Variants in MYOCOS observed in about 807,000 individuals in gnomAD.
MYOCOS encodes myocilin opposite strand protein.
chr1:171,608,230 G>A (rs1008307061), intron 1 of MYOCOS, among the ~76,000 whole-genome samples: 1 of 152,130 alleles, frequency 6.6e-6, no homozygotes, highest in African/African-American at 2.4e-5. Flanking sequence ...GATGTGCACA[G>A]AAAGTTTATT....
chr1:171,607,838 A>G (rs1652279524), intron 1 of MYOCOS, among the ~76,000 whole-genome samples: 1 of 152,216 alleles, frequency 6.6e-6, no homozygotes, highest in Non-Finnish European at 1.5e-5. Context: ...TCACAAGTCT[A>G]TTCTCATGCT....
intron 1 of MYOCOS, chr1:171,601,204 AGT>A (rs1652135130): frequency 6.6e-6 from 1 of 152,308 alleles, no homozygotes; most frequent in Non-Finnish European, 1.5e-5. Flanking sequence ...TCTGAAATTT[AGT>A]AAGACTAGTC....
At chr1:171,621,490 C>T (rs1652573413), upstream of MYOCOS, among the ~76,000 whole-genome samples, 1 of 151,692 alleles carries the variant, frequency 6.6e-6, no homozygotes, top group East Asian at 2.0e-4. Flanking sequence ...ATTCTCCTGC[C>T]TCAGCCTCCT....
At chr1:171,621,802 C>T (rs1652582135), upstream of MYOCOS, among the ~76,000 whole-genome samples, 1 of 152,056 alleles carries the variant, frequency 6.6e-6, no homozygotes, top group African/African-American at 2.4e-5. Flanking sequence ...CACCACTGCA[C>T]TTCAGCCTGG....
chr1:171,612,671 CA>C (rs1032830225), intron 1 of MYOCOS, among the ~76,000 whole-genome samples: 4 of 150,438 alleles, frequency 2.7e-5, no homozygotes, highest in Non-Finnish European at 4.4e-5. Flanking sequence ...ACTAAAAATA[CA>C]AAAAAAAATT....
chr1:171,612,986 G>A (rs1393734045), intron 1 of MYOCOS, among the ~76,000 whole-genome samples: 2 of 152,220 alleles, frequency 1.3e-5, no homozygotes, highest in African/African-American at 4.8e-5. Flanking sequence ...AGCTGGGCCA[G>A]AACTCACTCT....
chr1:171,600,981 A>G (rs942998306), exon 1 of MYOCOS: 2 of 152,246 alleles, frequency 1.3e-5, no homozygotes, highest in Non-Finnish European at 2.9e-5. Flanking sequence ...TTAAGGGGCT[A>G]CCCGAGGCAG....
chr1:171,617,412 T>A (rs965596128), upstream of MYOCOS, among the ~76,000 whole-genome samples: 7 of 152,048 alleles, frequency 4.6e-5, no homozygotes, highest in African/African-American at 1.7e-4. Flanking sequence ...TCTGCTGTTA[T>A]GAGTATAGGA....
At chr1:171,626,274 G>A (rs1292758769) in intron 2 of MYOCOS, among the ~76,000 whole-genome samples, 180 bp from the exon 3 acceptor site, 1 of 152,050 alleles carries the variant, frequency 6.6e-6, no homozygotes, top group Non-Finnish European at 1.5e-5. Flanking sequence ...TGGAAAGGGG[G>A]TCTCCCTATG....
At chr1:171,604,905 C>G (rs1169604890) in intron 1 of MYOCOS, among the ~76,000 whole-genome samples, 2 of 152,146 alleles carry the variant, frequency 1.3e-5, no homozygotes, top group Non-Finnish European at 2.9e-5. Context: ...TCACAAACCC[C>G]TCAGACCCAA....
chr1:171,621,714 C>T (rs917000656), upstream of MYOCOS, among the ~76,000 whole-genome samples: 1 of 151,986 alleles, frequency 6.6e-6, no homozygotes, highest in African/African-American at 2.4e-5. Flanking sequence ...AATAGACTGC[C>T]GCCTTGAATT....
At chr1:171,603,285 G>A (rs2102931216) in intron 1 of MYOCOS, among the ~76,000 whole-genome samples, 1 of 152,322 alleles carries the variant, frequency 6.6e-6, no homozygotes, top group Non-Finnish European at 1.5e-5. Context: ...GAGCAAATGT[G>A]TGGTGGTATT....
chr1:171,614,617 G>C (rs1435678298), intron 1 of MYOCOS, among the ~76,000 whole-genome samples: 3 of 152,200 alleles, frequency 2.0e-5, no homozygotes, highest in Non-Finnish European at 4.4e-5. Context: ...TGCCTGGAGA[G>C]GCACTCAGCT....
At chr1:171,617,351 G>A (rs1472875545), upstream of MYOCOS, among the ~76,000 whole-genome samples, 1 of 152,106 alleles carries the variant, frequency 6.6e-6, no homozygotes, top group African/African-American at 2.4e-5. Flanking sequence ...GCAATTAACA[G>A]GGAAATGAGT....
chr1:171,608,407 A>ATTT (rs1652293515), intron 1 of MYOCOS, among the ~76,000 whole-genome samples: 4 of 67,898 alleles, frequency 5.9e-5, no homozygotes, highest in African/African-American at 8.1e-5. Context: ...AGGGAACCAG[A>ATTT]CTTTTTTTTT....
chr1:171,622,027 T>C (rs1652585990), upstream of MYOCOS, among the ~76,000 whole-genome samples: 1 of 152,136 alleles, frequency 6.6e-6, no homozygotes, highest in Middle Eastern at 3.2e-3. Flanking sequence ...AGATCAAAAG[T>C]GGGAGTTGCA....
chr1:171,607,824 G>T (rs958214428), intron 1 of MYOCOS, among the ~76,000 whole-genome samples: 1 of 152,308 alleles, frequency 6.6e-6, no homozygotes, highest in East Asian at 1.9e-4. Flanking sequence ...AGTGCAGTCT[G>T]TGTTCACAAG....
At position 171,626,508 on chromosome 1, in the gene MYOCOS, G is replaced by A. The variant is rs999646987; in HGVS notation, c.150G>A (p.Leu50=). ...AAGCTAAGGAGATGCTCTCCCACTT[G>A]GATTTGGAGCAAGCCCCTCCCCCTC... ...SDEAKEMLSH[L]DLEQAPPPHR... is the part of the protein sequence containing the mutation. Residue 50 remains leucine (L), a synonymous_variant, in exon 3 of 3, where the codon TTG becomes TTA. Transcript: ENST00000637642. 5.0e-6 allele frequency: 2 copies of A among 398,484 alleles called. No individual in the cohort carries two copies. Among genetic ancestry groups the A allele is most frequent in the Admixed American group, 4.4e-5 (1 of 22,710 alleles). The allele number at this position is 398,484 out of a possible 1,614,324, so 24.7% of individuals were successfully genotyped here. A position where few individuals can be genotyped will look rare whatever the true frequency, so the allele number is the denominator to read the frequency against.
chr1:171,606,604 C>G (rs892788156), intron 1 of MYOCOS, among the ~76,000 whole-genome samples: 1 of 152,200 alleles, frequency 6.6e-6, no homozygotes, highest in African/African-American at 2.4e-5. Flanking sequence ...TTCTGACTAC[C>G]AGTGCACGAA....
Sources: gnomAD v4.1 joint callset for allele counts (sites outside exome capture counted in the v4.1 genomes callset) on GRCh38, gnomAD v4.1.1 for gene constraint, MANE v1.5 for transcripts, NCBI Gene and HGNC (gene_info 2026-07-23, HGNC 2026-07-21) for gene names.